Variants in CSMD1 observed in about 807,000 individuals in gnomAD.
CSMD1 encodes CUB and Sushi multiple domains 1, also known as CUB and sushi domain-containing protein 1.
In CSMD1, 213 loss-of-function variants were observed where a neutral mutation model predicts 417.5. The ratio of observed to expected loss-of-function variants is 0.51; its 90% CI spans 0.46 to 0.57. CSMD1 has a LOEUF of 0.57. Ranked by LOEUF, CSMD1 falls within the 20% of genes least tolerant of loss-of-function variation. The pLI is 0.00. For synonymous variants in CSMD1, 2,862 were observed against 1,736.8 expected, an observed-to-expected ratio of 1.65 and a Z score of -16.11; for missense variants, 6,923 against 4,529.7, an observed-to-expected ratio of 1.53 and a Z score of -15.17.
At chr8:3,674,430 A>G (rs1312700144) in intron 7 of CSMD1, among the ~76,000 whole-genome samples, 1 of 152,308 alleles carries the variant, frequency 6.6e-6, no homozygotes, top group East Asian at 1.9e-4. Flanking sequence ...ATTTAAATAG[A>G]AAATACCACC....
chr8:3,808,204 T>C (rs994636609), intron 5 of CSMD1, among the ~76,000 whole-genome samples: 4 of 152,206 alleles, frequency 2.6e-5, no homozygotes, highest in African/African-American at 9.7e-5. Context: ...CAAAAACATC[T>C]GTGATCTAAA....
chr8:4,790,531 C>A (rs1797634239), intron 1 of CSMD1, among the ~76,000 whole-genome samples: 1 of 152,076 alleles, frequency 6.6e-6, no homozygotes, highest in Non-Finnish European at 1.5e-5. Flanking sequence ...TAAGGCAATC[C>A]TAAGCAAGAA....
Position 4,901,558 on chromosome 8 carries a change from G to C in CSMD1, c.85+92774C>G, listed in dbSNP as rs1346255565. Reference sequence around the variant, plus strand: ...CATATGATCTCCCCACCAAAAAAGTGAAAGAAAATGTCAGATGTTTCTTTA... The same window carrying C: ...CATATGATCTCCCCACCAAAAAAGTCAAAGAAAATGTCAGATGTTTCTTTA... On this transcript the variant is annotated intron_variant, in intron 1 of 69. Coordinates refer to ENST00000635120, the MANE Select transcript of CSMD1 (RefSeq NM_033225.6). Among the ~76,000 whole-genome samples, 3 of 151,880 alleles carry C rather than the reference G, an allele frequency of 2.0e-5. 1 individual carries two copies. In the East Asian group the frequency reaches 6.0e-4, roughly 30 times the overall value.
intron 7 of CSMD1, among the ~76,000 whole-genome samples, chr8:3,642,289 A>C (rs1482205): frequency 0.39 from 59,812 of 151,818 alleles, 12,202 homozygotes; most frequent in East Asian, 0.52. Flanking sequence ...ATTCACTGTG[A>C]AAAAGAGATC....
At chr8:4,543,276 A>T (rs935938575) in intron 2 of CSMD1, among the ~76,000 whole-genome samples, 7 of 152,032 alleles carry the variant, frequency 4.6e-5, no homozygotes, top group Non-Finnish European at 7.4e-5. Flanking sequence ...TGCCCTAAAG[A>T]TCCCCAAAGC....
intron 1 of CSMD1, among the ~76,000 whole-genome samples, chr8:4,758,902 A>G (rs1442002945): frequency 6.6e-6 from 1 of 152,134 alleles, no homozygotes; most frequent in Non-Finnish European, 1.5e-5. Context: ...GCTTAACCAC[A>G]TCATTCAGTG....
At position 4,180,839 on chromosome 8, in the gene CSMD1, T is replaced by C. The variant is rs1479260984; in HGVS notation, c.416-148740A>G. ...ATCCAACCAACCAAAATAACAACAA[T>C]TATGATATTTAAAAGCTCACGATAC... On this transcript the variant is annotated intron_variant, in intron 3 of 69. Coordinates refer to ENST00000635120, the MANE Select transcript of CSMD1 (RefSeq NM_033225.6). 4.6e-5 allele frequency among the ~76,000 whole-genome samples: 7 copies of C among 152,226 alleles called. No individual in the cohort carries two copies. The East Asian group carries it at 1.4e-3, about 29-fold the overall frequency.
Position 4,873,042 on chromosome 8 carries a change from G to A in CSMD1, c.85+121290C>T, listed in dbSNP as rs573981973. Among the ~76,000 whole-genome samples the A allele has an allele frequency of 2.6e-5, 4 of 152,086 alleles. 1 individual carries two copies. Among genetic ancestry groups the A allele is most frequent in the South Asian group, 2.1e-4 (1 of 4,822 alleles). On this transcript the variant is annotated intron_variant, in intron 1 of 69. Coordinates refer to ENST00000635120, the MANE Select transcript of CSMD1 (RefSeq NM_033225.6). ...CATTGTGAAATGGTTACCACAAATC[G>A]TATATATTTAAGGTGTACAATATGA...
chr8:3,151,394 T>TA lies in CSMD1; in HGVS notation c.6031+2dup. 6.3e-7 allele frequency: 1 copy of TA among 1,592,188 alleles called. No homozygotes were observed. Among genetic ancestry groups the TA allele is most frequent in the East Asian group, 2.2e-5 (1 of 44,770 alleles). ...TTTAGGAATTGGTAACATTTTCACT[T>TA]ACCATAGCCGATGGGTAATGAGATC... On this transcript the variant is annotated splice_region_variant and intron_variant, in intron 40 of 69. Transcript: ENST00000635120.
At chr8:4,217,913 A>C (rs778246961) in intron 3 of CSMD1, among the ~76,000 whole-genome samples, 1 of 152,184 alleles carries the variant, frequency 6.6e-6, no homozygotes, top group Non-Finnish European at 1.5e-5. Context: ...TGCAAAGAAG[A>C]AGAACAAGAT....
intron 2 of CSMD1, among the ~76,000 whole-genome samples, chr8:4,590,318 C>T (rs1799922064): frequency 1.3e-5 from 2 of 152,150 alleles, no homozygotes; most frequent in South Asian, 2.1e-4. Context: ...ACTGGATTTC[C>T]ATGAAAACAA....
At chr8:3,193,705 G>C (rs1796550039) in intron 33 of CSMD1, among the ~76,000 whole-genome samples, 1 of 152,178 alleles carries the variant, frequency 6.6e-6, no homozygotes, top group South Asian at 2.1e-4. Flanking sequence ...TCAACAAAAT[G>C]ATTGACTTCT....
intron 1 of CSMD1, among the ~76,000 whole-genome samples, chr8:4,912,874 C>G (rs139520868): frequency 6.6e-6 from 1 of 152,232 alleles, no homozygotes; most frequent in African/African-American, 2.4e-5. Flanking sequence ...CAACCTCCAC[C>G]TCCTGGGTTC....
At chr8:3,501,347 A>C (rs1363547189) in intron 10 of CSMD1, among the ~76,000 whole-genome samples, 1 of 152,306 alleles carries the variant, frequency 6.6e-6, no homozygotes, top group African/African-American at 2.4e-5. Context: ...ACTATTTTTA[A>C]GTTTTTCCTT....
At chr8:3,805,894 C>T (rs546244788) in intron 5 of CSMD1, among the ~76,000 whole-genome samples, 1 of 152,242 alleles carries the variant, frequency 6.6e-6, no homozygotes, top group South Asian at 2.1e-4. Context: ...GCAAACCAAA[C>T]ACTTCTTGTA....
At chr8:4,403,488 C>T (rs1337811101) in intron 3 of CSMD1, among the ~76,000 whole-genome samples, 2 of 152,110 alleles carry the variant, frequency 1.3e-5, no homozygotes, top group South Asian at 2.1e-4. Context: ...ATGGTGAAAT[C>T]CAGTGAAAAA....
At chr8:3,611,619 A>T (rs937319633) in intron 8 of CSMD1, among the ~76,000 whole-genome samples, 7 of 152,152 alleles carry the variant, frequency 4.6e-5, no homozygotes, top group African/African-American at 1.7e-4. Context: ...TTTCTAACGA[A>T]AATTAGAAAA....
intron 5 of CSMD1, among the ~76,000 whole-genome samples, chr8:3,840,431 G>A (rs1206624271): frequency 6.6e-6 from 1 of 152,114 alleles, no homozygotes; most frequent in African/African-American, 2.4e-5. Flanking sequence ...TTATTTTATT[G>A]TGTTAGTAGC....
chr8:4,412,712 G>C (rs1429717827), intron 3 of CSMD1, among the ~76,000 whole-genome samples: 2 of 152,116 alleles, frequency 1.3e-5, no homozygotes, highest in African/African-American at 4.8e-5. Context: ...AACATATAAA[G>C]ACATAGTGAA....
Sources: allele counts gnomAD v4.1 joint callset (sites outside exome capture counted in the v4.1 genomes callset), GRCh38; gene constraint gnomAD v4.1.1; transcripts MANE v1.5; gene names NCBI Gene and HGNC (gene_info 2026-07-23, HGNC 2026-07-21).